Variants in TMEM116 observed in about 807,000 individuals in gnomAD.
TMEM116 encodes transmembrane protein 116.
A neutral mutation model predicts 44.3 loss-of-function variants in TMEM116; 38 were observed. The ratio of observed to expected loss-of-function variants is 0.86; its 90% CI spans 0.66 to 1.12. The LOEUF (loss-of-function observed/expected upper bound fraction) is 1.12. Ranked by LOEUF, TMEM116 falls within the 50% of genes most tolerant of loss-of-function variation. The probability of loss-of-function intolerance (pLI) is 0.00; values close to 1 mark genes in which losing one functional copy is unlikely to be tolerated. For missense variants in TMEM116, 354 were observed against 401.7 expected (o/e 0.88, Z 1.01); for synonymous variants, 132 against 144.8 (o/e 0.91, Z 0.64).
At chr12:112,011,758 C>T (rs962044295) in intron 1 of TMEM116, 3 of 152,254 alleles carry the variant, frequency 2.0e-5, no homozygotes, top group African/African-American at 7.2e-5. Flanking sequence ...AGTGCAGTGG[C>T]AGCAATCAGG....
intron 3 of TMEM116, chr12:111,993,706 G>A: frequency 1.6e-6 from 1 of 627,494 alleles, no homozygotes; most frequent in South Asian, 1.5e-5. Context: ...TACTGTTGAA[G>A]CATTGTACAA....
At chr12:111,984,338 T>C (rs558852835) in intron 4 of TMEM116, among the ~76,000 whole-genome samples, 77 of 152,234 alleles carry the variant, frequency 5.1e-4, no homozygotes, top group African/African-American at 1.7e-3. Flanking sequence ...CCATCGTATA[T>C]TTGCAGTTAT....
At chr12:111,972,076 GAAAAAA>G (rs762088997) in intron 4 of TMEM116, among the ~76,000 whole-genome samples, 626 of 57,550 alleles carry the variant, frequency 0.011, 8 homozygotes, top group African/African-American at 0.036. Context: ...CCCTATCTGT[GAAAAAA>G]AAAAAAAAAA....
intron 4 of TMEM116, among the ~76,000 whole-genome samples, chr12:111,945,396 C>T (rs1035309122): frequency 2.0e-5 from 3 of 148,400 alleles, no homozygotes; most frequent in African/African-American, 2.5e-5. Context: ...ATTTCATTTA[C>T]GCCCAGTAGA....
intron 4 of TMEM116, among the ~76,000 whole-genome samples, chr12:111,950,366 A>T (rs2073629566): frequency 6.6e-6 from 1 of 151,590 alleles, no homozygotes; most frequent in Non-Finnish European, 1.5e-5. Context: ...TTGCCTCTTA[A>T]TTTTTCCTTG....
At chr12:111,978,139 C>T (rs973030801) in intron 4 of TMEM116, among the ~76,000 whole-genome samples, 4 of 149,420 alleles carry the variant, frequency 2.7e-5, no homozygotes, top group African/African-American at 9.8e-5. Context: ...CGGTGGCTCA[C>T]GCCTGTAATC....
At chr12:111,940,229 C>T (rs900143993) in intron 5 of TMEM116, among the ~76,000 whole-genome samples, 1 of 151,438 alleles carries the variant, frequency 6.6e-6, no homozygotes, top group Non-Finnish European at 1.5e-5. Context: ...GTCAAGATTG[C>T]ACCACTGCAC....
chr12:111,981,687 G>T (rs760488236), intron 4 of TMEM116, among the ~76,000 whole-genome samples: 1 of 152,184 alleles, frequency 6.6e-6, no homozygotes, highest in Non-Finnish European at 1.5e-5. Context: ...AAAAGCCTGG[G>T]AAAGAGGCTG....
chr12:111,992,235 G>C (rs1342682057), intron 3 of TMEM116, among the ~76,000 whole-genome samples: 1 of 151,828 alleles, frequency 6.6e-6, no homozygotes, highest in African/African-American at 2.4e-5. Flanking sequence ...GGAGACAATT[G>C]AGAGTGCTTT....
At chr12:111,960,048 T>C (rs1459617735) in intron 4 of TMEM116, among the ~76,000 whole-genome samples, 2 of 152,204 alleles carry the variant, frequency 1.3e-5, no homozygotes, top group East Asian at 1.9e-4. Context: ...AGAATATACA[T>C]TCTTCTCAGC....
chr12:111,952,249 A>C (rs148398258), intron 4 of TMEM116, among the ~76,000 whole-genome samples: 2 of 152,228 alleles, frequency 1.3e-5, no homozygotes, highest in African/African-American at 4.8e-5. Context: ...AAACAAAAAA[A>C]ACACACACAC....
At chr12:111,968,549 A>G (rs1389157284) in intron 4 of TMEM116, among the ~76,000 whole-genome samples, 3 of 152,224 alleles carry the variant, frequency 2.0e-5, no homozygotes, top group African/African-American at 7.2e-5. Context: ...AAAGGAAAAC[A>G]TGACCTATAC....
chr12:111,968,894 GAGAC>G (rs1399800987), intron 4 of TMEM116, among the ~76,000 whole-genome samples: 2 of 148,252 alleles, frequency 1.3e-5, no homozygotes, highest in Non-Finnish European at 3.0e-5. Flanking sequence ...TCAGGAGACT[GAGAC>G]AGGAGAATCG....
intron 4 of TMEM116, among the ~76,000 whole-genome samples, chr12:111,955,630 G>A (rs999154946): frequency 1.3e-4 from 20 of 152,174 alleles, no homozygotes; most frequent in African/African-American, 4.8e-4. Flanking sequence ...AAAAGAAATA[G>A]TACTTGGAAA....
At chr12:111,997,161 T>C (rs569227514) in intron 3 of TMEM116, among the ~76,000 whole-genome samples, 3 of 152,368 alleles carry the variant, frequency 2.0e-5, no homozygotes, top group Admixed American at 6.5e-5. Flanking sequence ...TTCTTGTCAC[T>C]AGTGTTTGTT....
intron 9 of TMEM116, among the ~76,000 whole-genome samples, chr12:111,932,987 T>C (rs2071783723): frequency 6.6e-6 from 1 of 152,164 alleles, no homozygotes; most frequent in South Asian, 2.1e-4. Flanking sequence ...ATGCCTACAA[T>C]CCCAGCACTT....
chr12:112,009,132 G>C (rs1337559105), intron 1 of TMEM116, among the ~76,000 whole-genome samples: 1 of 152,152 alleles, frequency 6.6e-6, no homozygotes, highest in African/African-American at 2.4e-5. Flanking sequence ...ATGATTAATG[G>C]ATGTTTCTGT....
intron 5 of TMEM116, among the ~76,000 whole-genome samples, chr12:111,942,534 AG>A (rs1439231818): frequency 6.6e-6 from 1 of 152,100 alleles, no homozygotes; most frequent in Non-Finnish European, 1.5e-5. Context: ...GGCCTCCCTA[AG>A]TGCTGAGATT....
intron 5 of TMEM116, among the ~76,000 whole-genome samples, chr12:111,941,827 G>A (rs994608269): frequency 5.9e-5 from 9 of 152,126 alleles, no homozygotes; most frequent in African/African-American, 2.2e-4. Context: ...AAAAAAGTAA[G>A]AAGAGTACCT....
Sources: allele counts gnomAD v4.1 joint callset (sites outside exome capture counted in the v4.1 genomes callset), GRCh38; gene constraint gnomAD v4.1.1; transcripts MANE v1.5; gene names NCBI Gene and HGNC (gene_info 2026-07-23, HGNC 2026-07-21).